Variants in MTFR1 observed in about 807,000 individuals in gnomAD.
The protein encoded by MTFR1 is chondrocyte protein with a poly-proline region.
MTFR1 carries 28 observed loss-of-function variants against 38.8 expected under a neutral mutation model. That is an observed-to-expected ratio of 0.72 (90% CI 0.53 to 0.99). MTFR1 has a LOEUF of 0.99. MTFR1 is among the 50% of genes least tolerant of loss of function. MTFR1 has a pLI of 0.00. For synonymous variants in MTFR1, 145 were observed against 137.0 expected (o/e 1.06, Z -0.41); for missense variants, 358 against 395.5 (o/e 0.91, Z 0.81).
chr8:65,751,559 A>C (rs1238340699), intron 3 of MTFR1, among the ~76,000 whole-genome samples: 1 of 151,754 alleles, frequency 6.6e-6, no homozygotes, highest in East Asian at 1.9e-4. Flanking sequence ...ATGGTGCGAT[A>C]TCGGCTCACC....
chr8:65,748,390 G>T (rs1004941093), intron 3 of MTFR1, among the ~76,000 whole-genome samples: 1 of 152,134 alleles, frequency 6.6e-6, no homozygotes, highest in Admixed American at 6.6e-5. Context: ...TTATTAAGGT[G>T]ATATGCTCTA....
chr8:65,748,391 A>T (rs1195102203), intron 3 of MTFR1, among the ~76,000 whole-genome samples: 1 of 152,158 alleles, frequency 6.6e-6, no homozygotes, highest in Admixed American at 6.6e-5. Flanking sequence ...TATTAAGGTG[A>T]TATGCTCTAG....
chr8:65,660,646 C>T (rs920025686), intron 1 of MTFR1, among the ~76,000 whole-genome samples: 3 of 152,268 alleles, frequency 2.0e-5, no homozygotes, highest in African/African-American at 7.2e-5. Flanking sequence ...ACTTTCTAGC[C>T]TCCATAATTG....
intron 3 of MTFR1, among the ~76,000 whole-genome samples, chr8:65,689,053 G>C (rs753259549): frequency 5.9e-5 from 9 of 152,118 alleles, no homozygotes; most frequent in Non-Finnish European, 1.3e-4. Context: ...GCTGAGGCAG[G>C]AGAATTGCTT....
At chr8:65,694,973 G>A (rs745758176) in intron 4 of MTFR1, among the ~76,000 whole-genome samples, 1 of 152,206 alleles carries the variant, frequency 6.6e-6, no homozygotes, top group Non-Finnish European at 1.5e-5. Context: ...ACGAGAAGTA[G>A]GTAGAGGTTT....
intron 4 of MTFR1, among the ~76,000 whole-genome samples, chr8:65,703,419 GTTTTTTTTTTTTTTTTTT>G (rs553260839): frequency 0.026 from 1,328 of 51,102 alleles, 65 homozygotes; most frequent in African/African-American, 0.095. Context: ...GATGTCTCTG[GTTTTTTTTTTTTTTTTTT>G]TTTTTTTTTT....
intron 1 of MTFR1, among the ~76,000 whole-genome samples, chr8:65,655,998 T>C (rs1186719957): frequency 8.3e-6 from 1 of 119,870 alleles, no homozygotes; most frequent in Non-Finnish European, 1.7e-5. Flanking sequence ...AGTGGGTTGA[T>C]GTAGGGTTGA....
At chr8:65,771,036 G>T (rs1585903545) in exon 4 of MTFR1, 1 of 383,560 alleles carries the variant, frequency 2.6e-6, no homozygotes. Flanking sequence ...AGAGAATAAG[G>T]ACTATGACAA....
rs1166560010 is a variant in MTFR1, at chr8:65,677,068, CTTTTTTTT to C, written c.67-5269_67-5262del. Among the ~76,000 whole-genome samples, 7 of 100,108 alleles carry C rather than the reference CTTTTTTTT, an allele frequency of 7.0e-5. No homozygotes were observed. In the East Asian group the frequency reaches 7.4e-4, roughly 11 times the overall value. 65.7% of individuals were successfully genotyped at this position (100,108 alleles called of 152,430 possible). ...GGTTTTTCTGTTTAGCTATTTCTCT[CTTTTTTTT>C]TTTTTTTTTTTTTTTGAGACAGAGT... On this transcript the variant is annotated intron_variant, in intron 2 of 7. Coordinates refer to ENST00000262146, the MANE Select transcript of MTFR1 (RefSeq NM_014637.4).
chr8:65,650,945 C>T (rs1158929465), intron 1 of MTFR1, among the ~76,000 whole-genome samples: 1 of 152,154 alleles, frequency 6.6e-6, no homozygotes, highest in Admixed American at 6.6e-5. Context: ...CCCTTTTCTC[C>T]ACATCCTTGC....
chr8:65,736,341 A>G (rs1050969609), intron 3 of MTFR1, among the ~76,000 whole-genome samples: 3 of 152,196 alleles, frequency 2.0e-5, no homozygotes, highest in African/African-American at 7.2e-5. Flanking sequence ...TTTTCCATTT[A>G]ATATTTTCAG....
chr8:65,708,064 C>T, intron 7 of MTFR1, 53 bp downstream of exon 7: 3 of 1,606,508 alleles, frequency 1.9e-6, no homozygotes, highest in Non-Finnish European at 8.5e-7. Context: ...CATCCCATTG[C>T]CAAGCACTTG....
At chr8:65,714,078 C>T (rs950471514), downstream of MTFR1, among the ~76,000 whole-genome samples, 1 of 139,930 alleles carries the variant, frequency 7.1e-6, no homozygotes, top group Non-Finnish European at 1.5e-5. Flanking sequence ...CAACCCAACA[C>T]TACTGATACC....
intron 3 of MTFR1, among the ~76,000 whole-genome samples, chr8:65,748,495 T>C (rs969211522): frequency 1.3e-5 from 2 of 152,050 alleles, no homozygotes; most frequent in Admixed American, 6.6e-5. Flanking sequence ...TAAACCAGAG[T>C]TCCCTGGATT....
At chr8:65,737,573 C>T (rs769339142) in intron 3 of MTFR1, among the ~76,000 whole-genome samples, 5 of 152,080 alleles carry the variant, frequency 3.3e-5, no homozygotes, top group Non-Finnish European at 7.4e-5. Flanking sequence ...GGCGCGATCT[C>T]GGCTCACTCT....
intron 3 of MTFR1, among the ~76,000 whole-genome samples, chr8:65,768,405 T>G (rs1422609341): frequency 6.6e-6 from 1 of 152,154 alleles, no homozygotes; most frequent in Non-Finnish European, 1.5e-5. Flanking sequence ...CTCATGATAG[T>G]GAATAAGTCT....
intron 3 of MTFR1, among the ~76,000 whole-genome samples, chr8:65,742,991 G>C (rs1807509992): frequency 6.6e-6 from 1 of 152,218 alleles, no homozygotes; most frequent in African/African-American, 2.4e-5. Context: ...GTGCACTGCT[G>C]AGCTCACGCC....
intron 1 of MTFR1, among the ~76,000 whole-genome samples, chr8:65,655,951 A>ATATATATATATATATGT (rs1377063247): frequency 0.071 from 3,877 of 54,766 alleles, 515 homozygotes; most frequent in East Asian, 0.39. Flanking sequence ...TAAAAAAAAA[A>ATATATATATATATATGT]ATATATATAT....
chr8:65,683,108 A>ATTTGTAC (rs1804953269), intron 3 of MTFR1, among the ~76,000 whole-genome samples: 1 of 140,316 alleles, frequency 7.1e-6, no homozygotes, highest in South Asian at 2.4e-4. Context: ...ATTTTCCTTG[A>ATTTGTAC]TTTGTACTTT....
Sources: gnomAD v4.1 joint callset for allele counts (sites outside exome capture counted in the v4.1 genomes callset) on GRCh38, gnomAD v4.1.1 for gene constraint, MANE v1.5 for transcripts, NCBI Gene and HGNC (gene_info 2026-07-23, HGNC 2026-07-21) for gene names.